Variants in ADGRF1 observed in about 807,000 individuals in gnomAD.
ADGRF1 encodes the protein adhesion G protein-coupled receptor F1, also known as G protein-coupled receptor 110.
ADGRF1 carries 85 observed loss-of-function variants against 87.2 expected under a neutral mutation model. The observed-to-expected ratio is 0.97, with a 90% confidence interval of 0.82 to 1.17. The LOEUF is 1.17. Among genes scored for constraint, ADGRF1 ranks in the 50% most tolerant of loss-of-function variants. The pLI is 0.00. For synonymous variants in ADGRF1, 430 were observed against 408.8 expected (o/e 1.05, Z -0.63); for missense variants, 1,169 against 1,077.2 (o/e 1.09, Z -1.19).
rs374690250 is a variant in ADGRF1 at position 47,008,997 on chromosome 6, T to C, written c.2438A>G (p.Asp813Gly). The change falls in exon 11 of 15, where the codon GAC (aspartate) becomes GGC (glycine). Residue 813 changes from aspartate to glycine, a missense_variant. Asp to Gly is a moderately conservative substitution (Grantham distance 94). Coordinates refer to ENST00000371253, the MANE Select transcript of ADGRF1 (RefSeq NM_153840.4). ...TWGFGIGTIV[D>G]SQNLAWHVIF... ...AACATGCCAAGCCAGATTCTGGCTG[T>C]CCACTATTGTTCCTATTCCAAAGCC... 1.9e-6 allele frequency: 3 copies of C among 1,612,076 alleles called. No homozygotes were observed. In the African/African-American group the frequency reaches 4.0e-5, roughly 22 times the overall value.
chr6:47,013,719 A>C, intron 9 of ADGRF1: 1 of 921,790 alleles, frequency 1.1e-6, no homozygotes, highest in Non-Finnish European at 1.3e-6. Context: ...ATAATTCCCA[A>C]TGTTGGAGGT....
At position 47,009,343 on chromosome 6, in the gene ADGRF1, T is replaced by G. The variant is rs147301030; in HGVS notation, c.2092A>C (p.Met698Leu). The G allele has an allele frequency of 6.2e-7, 1 of 1,614,128 alleles. No homozygotes were observed. Among genetic ancestry groups the G allele is most frequent in the Non-Finnish European group, 8.5e-7 (1 of 1,180,014 alleles). The change falls in exon 11 of 15, where the codon ATG becomes CTG. Residue 698 changes from methionine (M) to leucine (L), a missense_variant. By Grantham distance (15) the Met-to-Leu change is conservative. Transcript: ENST00000371253. Reference sequence around the variant, plus strand: ...CCCAGGCAAAATCCAACAGCCATCATCAAATGCTGGGCCATGTGATGGAAC... The same window carrying G: ...CCCAGGCAAAATCCAACAGCCATCAGCAAATGCTGGGCCATGTGATGGAAC... ...LVFHHMAQHL[M>L]MAVGFCLGYG... is the part of the protein sequence containing the mutation.
In ADGRF1 at chr6:47,016,642, G is replaced by T; in HGVS notation, c.738C>A (p.Asp246Glu). 6.2e-7 allele frequency: 1 copy of T among 1,609,456 alleles called. No individual in the cohort carries two copies. Among genetic ancestry groups the T allele is most frequent in the South Asian group, 1.1e-5 (1 of 90,580 alleles). ...CTTTTCCGAACACTCTGAAAGAGCC[G>T]TCTTCTAATGGAAACAGCTTGTGAA... ...TALHKLFPLE[D>E]GSFRVFGKAQ... The change falls in exon 8 of 15, where the codon GAC (aspartate) becomes GAA (glutamate). Residue 246 changes from aspartate to glutamate, a missense_variant. Physicochemically the swap from Asp to Glu is conservative, Grantham distance 45. Transcript: ENST00000371253.
At position 47,027,694 on chromosome 6, in the gene ADGRF1, A is replaced by T. The variant is rs373145862; in HGVS notation, c.127+10T>A. On this transcript the variant is annotated intron_variant, in intron 3 of 14. Coordinates refer to ENST00000371253, the MANE Select transcript of ADGRF1 (RefSeq NM_153840.4). ...AATCCACTGCACCATGCTGTCTAACAGAGCCTCACCTAGATGTTTTTTCTT... is the reference window on the plus strand; with the variant it reads ...AATCCACTGCACCATGCTGTCTAACTGAGCCTCACCTAGATGTTTTTTCTT... The T allele has an allele frequency of 1.3e-5, 20 of 1,597,082 alleles. No individual in the cohort carries two copies. In the African/African-American group the frequency reaches 2.4e-4, roughly 19 times the overall value.
rs184773330 is a variant in ADGRF1 at position 47,021,471 on chromosome 6, G to A, written c.552+487C>T. On this transcript the variant is annotated intron_variant, in intron 6 of 14. Transcript: ENST00000371253. ...CACCTCCCGGGTTCAAGCAATTCTCGTGCCTCATCACCTGAGTATCTGGGA... is the reference window on the plus strand; with the variant it reads ...CACCTCCCGGGTTCAAGCAATTCTCATGCCTCATCACCTGAGTATCTGGGA... Among the ~76,000 whole-genome samples, 19 of 152,032 alleles carry A rather than the reference G, an allele frequency of 1.2e-4. No homozygotes were observed. In the East Asian group the frequency reaches 1.7e-3, roughly 14 times the overall value.
In ADGRF1 at chr6:47,014,734, A is replaced by T; in HGVS notation, c.874T>A (p.Trp292Arg). 1 of 1,613,852 alleles carries T rather than the reference A, an allele frequency of 6.2e-7. No individual in the cohort carries two copies. Among genetic ancestry groups the T allele is most frequent in the Non-Finnish European group, 8.5e-7 (1 of 1,179,936 alleles). ...ACACAAGTCTCCCTGATGACCTGCC[A>T]CCCAGAGGACTCACACTTGGCTGTG... ...NITAKCESSG[W>R]QVIRETCVLS... The change falls in exon 9 of 15, where the codon TGG becomes AGG. Residue 292 changes from tryptophan (W) to arginine (R), a missense_variant. By Grantham distance (101) the Trp-to-Arg change is moderately radical. Transcript: ENST00000371253.
intron 4 of ADGRF1, 47 bp downstream of exon 4, chr6:47,025,789 AACCTAGCCTGACTGATAT>A: frequency 7.0e-7 from 1 of 1,430,066 alleles, no homozygotes; most frequent in Non-Finnish European, 9.5e-7. Context: ...AGCATAACCC[AACCTAGCCTGACTGATAT>A]ACCCGCCTTC....
rs1339227280 is a variant in ADGRF1 at position 47,012,162 on chromosome 6, C to T, written c.961G>A (p.Ala321Thr). ...TTTTGCACGAAGGATGACACAGCTG[C>T]CTCAGTGGCATTGCCTACAATCATA... ...FSMIVGNATE[A>T]AVSSFVQNLS... The change falls in exon 10 of 15, where the codon GCA becomes ACA. Residue 321 changes from alanine (A) to threonine (T), a missense_variant. Physicochemically the swap from Ala to Thr is moderately conservative, Grantham distance 58 (BLOSUM62 0). Transcript: ENST00000371253. The T allele has an allele frequency of 6.2e-7, 1 of 1,613,796 alleles. No homozygotes were observed. Among genetic ancestry groups the T allele is most frequent in the Admixed American group, 1.7e-5 (1 of 60,024 alleles).
intron 2 of ADGRF1, among the ~76,000 whole-genome samples, chr6:47,028,265 T>C (rs78782554): frequency 0.024 from 3,623 of 152,210 alleles, 208 homozygotes; most frequent in East Asian, 0.19. Flanking sequence ...AAGGTGTGGA[T>C]CAAGGTAGCA....
chr6:47,004,449 G>T (rs188010493), intron 13 of ADGRF1, among the ~76,000 whole-genome samples: 1 of 152,336 alleles, frequency 6.6e-6, no homozygotes, highest in African/African-American at 2.4e-5. Context: ...CTTCTCAGAA[G>T]TGTCAGTGCT....
intron 1 of ADGRF1, among the ~76,000 whole-genome samples, chr6:47,034,034 T>C (rs754119865): frequency 8.5e-5 from 13 of 152,254 alleles, no homozygotes; most frequent in African/African-American, 1.7e-4. Flanking sequence ...TTTTATATTT[T>C]CACATGTTTT....
chr6:47,011,399 G>A (rs1779702877), intron 10 of ADGRF1, among the ~76,000 whole-genome samples: 1 of 152,160 alleles, frequency 6.6e-6, no homozygotes, highest in Non-Finnish European at 1.5e-5. Context: ...CACCCAAAAT[G>A]TTTGGAAGGA....
At chr6:47,014,649 C>G (rs542542406) in intron 9 of ADGRF1, 32 bp downstream of exon 9, 1 of 1,598,844 alleles carries the variant, frequency 6.3e-7, no homozygotes, top group Non-Finnish European at 8.5e-7. Context: ...AACTCAAGAC[C>G]AGGGCAAGTC....
At chr6:47,015,549 T>C (rs2113887617) in intron 8 of ADGRF1, among the ~76,000 whole-genome samples, 1 of 151,498 alleles carries the variant, frequency 6.6e-6, no homozygotes, top group East Asian at 1.9e-4. Context: ...TACCTGGGAG[T>C]ACAGGTGCAC....
rs1779561569 is a variant in ADGRF1 at position 47,007,338 on chromosome 6, T to C, written c.2491-44A>G. On this transcript the variant is annotated intron_variant, in intron 11 of 14. Transcript: ENST00000371253. The stretch of plus-strand genomic sequence containing the variant: ...AAATCACATGTATTGTATTTTTCTT[T>C]TCCAAAAAAGAAAGCATTTATATGT... 3.2e-6 allele frequency: 4 copies of C among 1,263,564 alleles called. No homozygotes were observed. In the African/African-American group the frequency reaches 6.0e-5, roughly 19 times the overall value. The allele number at this position is 1,263,564 out of a possible 1,614,324, so 78.3% of individuals were successfully genotyped here. A position where few individuals can be genotyped will look rare whatever the true frequency, so the allele number is the denominator to read the frequency against.
chr6:47,000,783 A>G (rs139780497), intron 14 of ADGRF1, among the ~76,000 whole-genome samples: 1 of 152,368 alleles, frequency 6.6e-6, no homozygotes, highest in African/African-American at 2.4e-5. Flanking sequence ...AGTTTCCTAC[A>G]TTAATGATGA....
chr6:47,033,154 G>T (rs113739130), intron 1 of ADGRF1, among the ~76,000 whole-genome samples: 2 of 152,336 alleles, frequency 1.3e-5, no homozygotes, highest in African/African-American at 4.8e-5. Context: ...TGCTGTGGCT[G>T]CTGGGGCCAG....
intron 9 of ADGRF1, chr6:47,013,433 A>C (rs549124882): frequency 2.0e-6 from 2 of 985,318 alleles, no homozygotes; most frequent in East Asian, 1.1e-4. Context: ...GATGAATACT[A>C]TTCTGGGGTT....
rs139502116 is a variant in ADGRF1, at chr6:47,000,133, C to A, written c.*89G>T. 503 of 984,956 alleles carry A rather than the reference C, an allele frequency of 5.1e-4. 1 individual carries two copies. In the African/African-American group the frequency reaches 7.0e-3, roughly 14 times the overall value. The allele number at this position is 984,956 out of a possible 1,614,324, so 61.0% of individuals were successfully genotyped here. On this transcript the variant is annotated 3_prime_UTR_variant, in exon 15 of 15. Transcript: ENST00000371253. Reference sequence around the variant, plus strand: ...AGACCCCTAAATCAGAAAACCCGATCGAATACTGAGCATAATTTCTTCATT... The same window carrying A: ...AGACCCCTAAATCAGAAAACCCGATAGAATACTGAGCATAATTTCTTCATT...
Sources: allele counts gnomAD v4.1 joint callset (sites outside exome capture counted in the v4.1 genomes callset), GRCh38; gene constraint gnomAD v4.1.1; transcripts MANE v1.5; gene names NCBI Gene and HGNC (gene_info 2026-07-23, HGNC 2026-07-21).